Variants in GTF3C1 observed in about 807,000 individuals in gnomAD.
GTF3C1 encodes the protein general transcription factor 3C polypeptide 1.
Under a neutral mutation model 226.7 loss-of-function variants are expected in GTF3C1, and 57 were observed. The ratio of observed to expected loss-of-function variants is 0.25; its 90% CI spans 0.20 to 0.31. The LOEUF (loss-of-function observed/expected upper bound fraction) is 0.31. Ranked by LOEUF, GTF3C1 falls within the 10% of genes least tolerant of loss-of-function variation. The pLI is 1.00. For missense variants in GTF3C1, 2,217 were observed against 2,776.1 expected (o/e 0.80, Z 4.53); for synonymous variants, 1,090 against 1,084.8 (o/e 1.00, Z -0.09).
In GTF3C1 at chr16:27,470,119, C is replaced by A; in HGVS notation, c.4803G>T (p.Glu1601Asp). ...TGCCGGACTCTTACCTTTTGATGAC[C>A]TCATTCTCCACCATTGAGCTGTCTA... ...IVVDSSMVEN[E>D]VIKSLGKDGS... is the part of the protein sequence containing the mutation. The change falls in exon 31 of 37, where the codon GAG (glutamate) becomes GAT (aspartate). Residue 1601 changes from glutamate to aspartate, a missense_variant. Physicochemically the swap from Glu to Asp is conservative, Grantham distance 45 (BLOSUM62 2). Coordinates refer to ENST00000356183, the MANE Select transcript of GTF3C1 (RefSeq NM_001520.4). This position sits in a 1 kb window ranked among gnomAD's most constrained non-coding sequence, Gnocchi z 4.9. The A allele has an allele frequency of 6.2e-7, 1 of 1,613,320 alleles. No homozygotes were observed. The highest frequency in any genetic ancestry group is 1.3e-5 in the African/African-American group (1 of 74,950).
Position 27,488,429 on chromosome 16 carries a change from C to G in GTF3C1, c.3512-14G>C. 6.3e-7 allele frequency: 1 copy of G among 1,598,040 alleles called. No homozygotes were observed. The highest frequency in any genetic ancestry group is 8.6e-7 in the Non-Finnish European group (1 of 1,165,730). ...ACCTGCTGTTGCCTAGACATAATCACAGGAGACAACAGTTTCAGGACGAGT... is the reference window on the plus strand; with the variant it reads ...ACCTGCTGTTGCCTAGACATAATCAGAGGAGACAACAGTTTCAGGACGAGT... On this transcript the variant is annotated splice_polypyrimidine_tract_variant and intron_variant, in intron 22 of 36. Transcript: ENST00000356183.
chr16:27,544,544 G>A (rs548149256), intron 2 of GTF3C1, among the ~76,000 whole-genome samples: 2 of 152,154 alleles, frequency 1.3e-5, no homozygotes, highest in South Asian at 4.2e-4. Flanking sequence ...CCTCCGAGAT[G>A]AGAGTAGACA....
chr16:27,478,653 C>T lies in GTF3C1; in HGVS notation c.4197-122G>A. ...TTGGGAGTGGGAGAAATGTTAAACTCACCAAATGTCGAGTGCTGTGCATGT... is the reference window on the plus strand; with the variant it reads ...TTGGGAGTGGGAGAAATGTTAAACTTACCAAATGTCGAGTGCTGTGCATGT... On this transcript the variant is annotated intron_variant, in intron 27 of 36. Transcript: ENST00000356183. 4 of 771,552 alleles carry T rather than the reference C, an allele frequency of 5.2e-6. No homozygotes were observed. The South Asian group carries it at 5.5e-5, about 11-fold the overall frequency. The allele number at this position is 771,552 out of a possible 1,614,324, so 47.8% of individuals were successfully genotyped here. A position where few individuals can be genotyped will look rare whatever the true frequency, so the allele number is the denominator to read the frequency against.
In GTF3C1 at chr16:27,465,430, G is replaced by C; in HGVS notation, c.5185C>G (p.Leu1729Val). ...TCGGGACTATACCCAGACAGCTCCA[G>C]CTGGAGGACAAACTCCTCCAAGCTG... ...TCSLEEFVLQ[L>V]ELSGYSPEDL... Residue 1729 changes from leucine (L) to valine (V), a missense_variant, in exon 33 of 37, where the codon CTG becomes GTG. Coordinates refer to ENST00000356183, the MANE Select transcript of GTF3C1 (RefSeq NM_001520.4). 1 of 1,613,688 alleles carries C rather than the reference G, an allele frequency of 6.2e-7. No homozygotes were observed. The highest frequency in any genetic ancestry group is 8.5e-7 in the Non-Finnish European group (1 of 1,179,854).
intron 19 of GTF3C1, among the ~76,000 whole-genome samples, chr16:27,490,353 C>T (rs976835541): frequency 6.6e-6 from 1 of 152,192 alleles, no homozygotes; most frequent in African/African-American, 2.4e-5. Flanking sequence ...AAAAGCACTG[C>T]TTGATAGGTG....
In GTF3C1 at chr16:27,461,085, G is replaced by C; in HGVS notation, c.*265C>G. The C allele has an allele frequency of 2.5e-6, 1 of 407,076 alleles. No individual in the cohort carries two copies. The highest frequency in any genetic ancestry group is 5.8e-5 in the South Asian group (1 of 17,350). 25.2% of individuals were successfully genotyped at this position (407,076 alleles called of 1,614,324 possible). On this transcript the variant is annotated 3_prime_UTR_variant, in exon 37 of 37. Coordinates refer to ENST00000356183, the MANE Select transcript of GTF3C1 (RefSeq NM_001520.4). This position sits in a 1 kb window ranked among gnomAD's most constrained non-coding sequence, Gnocchi z 5.3. ...GCAAACTCTGGAGACCCAGAGACAAGAAGCACCAACTCCCAGTGTGATGAG... is the reference window on the plus strand; with the variant it reads ...GCAAACTCTGGAGACCCAGAGACAACAAGCACCAACTCCCAGTGTGATGAG...
chr16:27,485,251 C>T (rs558791090), intron 24 of GTF3C1, among the ~76,000 whole-genome samples: 11 of 152,344 alleles, frequency 7.2e-5, no homozygotes, highest in Admixed American at 4.6e-4. Flanking sequence ...GGCTGAGACC[C>T]GGAGGCACAC....
At chr16:27,505,837 CAG>C in intron 10 of GTF3C1, 60 bp downstream of exon 10, 1 of 946,432 alleles carries the variant, frequency 1.1e-6, no homozygotes, top group Admixed American at 1.8e-5. Context: ...TTCCTAAACA[CAG>C]AAACGATGAG....
At chr16:27,548,220 T>C (rs1426754177) in intron 1 of GTF3C1, among the ~76,000 whole-genome samples, 1 of 152,228 alleles carries the variant, frequency 6.6e-6, no homozygotes, top group African/African-American at 2.4e-5. Flanking sequence ...AACAGTCCTC[T>C]TTGCCAACTG....
At chr16:27,482,891 CAG>C (rs2141366837) in intron 26 of GTF3C1, among the ~76,000 whole-genome samples, 151 bp downstream of exon 26, 1 of 152,320 alleles carries the variant, frequency 6.6e-6, no homozygotes, top group East Asian at 1.9e-4. Flanking sequence ...AGGCCAACAC[CAG>C]AGAGCTGACT....
chr16:27,535,410 T>C (rs903432403), intron 4 of GTF3C1, among the ~76,000 whole-genome samples: 1 of 151,928 alleles, frequency 6.6e-6, no homozygotes, highest in Admixed American at 6.6e-5. Flanking sequence ...CCATCTCTAC[T>C]AAAAATACAA....
At chr16:27,520,118 T>C (rs979378867) in intron 6 of GTF3C1, among the ~76,000 whole-genome samples, 1 of 151,820 alleles carries the variant, frequency 6.6e-6, no homozygotes, top group Admixed American at 6.5e-5. Flanking sequence ...TTGTGTTTGG[T>C]TTGGTTTTGT....
chr16:27,517,213 G>A (rs2088671570), intron 6 of GTF3C1, among the ~76,000 whole-genome samples: 1 of 152,210 alleles, frequency 6.6e-6, no homozygotes, highest in Non-Finnish European at 1.5e-5. Context: ...TCTGGAAGGA[G>A]TTCCACCAGC....
chr16:27,465,756 A>G, intron 32 of GTF3C1: 1 of 577,590 alleles, frequency 1.7e-6, no homozygotes, highest in Non-Finnish European at 3.1e-6. Context: ...ACTGGGACAC[A>G]ACAGCTGACT....
rs190658121 is a variant in GTF3C1 at position 27,506,504 on chromosome 16, T to A, written c.1552+343A>T. Among the ~76,000 whole-genome samples the A allele has an allele frequency of 7.2e-3, 1,099 of 152,226 alleles. 27 individuals are homozygous for A. Among genetic ancestry groups the A allele is most frequent in the Admixed American group, 0.051 (784 of 15,292 alleles). The stretch of plus-strand genomic sequence containing the variant: ...CAAATGTGTCATCAGCACCACTCTC[T>A]ATGCATTTAAAAAAAGTTTTCTATA... On this transcript the variant is annotated intron_variant, in intron 9 of 36. Transcript: ENST00000356183.
chr16:27,531,653 G>C (rs2088918849), intron 5 of GTF3C1, among the ~76,000 whole-genome samples: 1 of 152,194 alleles, frequency 6.6e-6, no homozygotes, highest in South Asian at 2.1e-4. Context: ...ATAAGTGAAA[G>C]GCTGTCCAGT....
chr16:27,515,731 C>G (rs1481601648), intron 6 of GTF3C1, among the ~76,000 whole-genome samples: 1 of 152,234 alleles, frequency 6.6e-6, no homozygotes, highest in East Asian at 1.9e-4. Context: ...GTTTTCCGAT[C>G]TGCAAAATGG....
intron 11 of GTF3C1, among the ~76,000 whole-genome samples, chr16:27,502,455 C>CT (rs969971089): frequency 6.6e-6 from 1 of 152,192 alleles, no homozygotes; most frequent in African/African-American, 2.4e-5. Context: ...CTAGAAGACT[C>CT]TATTTGCGCA....
At position 27,492,305 on chromosome 16, in the gene GTF3C1, C is replaced by CA; in HGVS notation, c.3151+32dup. The CA allele has an allele frequency of 7.4e-7, 1 of 1,356,864 alleles. No individual in the cohort carries two copies. Among genetic ancestry groups the CA allele is most frequent in the Non-Finnish European group, 1.0e-6 (1 of 968,618 alleles). 84.1% of individuals were successfully genotyped at this position (1,356,864 alleles called of 1,614,324 possible). A position where few individuals can be genotyped will look rare whatever the true frequency, so the allele number is the denominator to read the frequency against. ...GTTAGCACACAGAAAGGAGCAAAAG[C>CA]AGCCAGGTTCAGCCGAGACAGCCGA... is the stretch of plus-strand genomic sequence containing the variant. On this transcript the variant is annotated intron_variant, in intron 19 of 36. Coordinates refer to ENST00000356183, the MANE Select transcript of GTF3C1 (RefSeq NM_001520.4). The surrounding 1 kb of genome is among the most constrained non-coding windows in gnomAD (Gnocchi z 5.0).
Sources: allele counts gnomAD v4.1 joint callset (sites outside exome capture counted in the v4.1 genomes callset), GRCh38; gene constraint gnomAD v4.1.1; non-coding constraint Gnocchi (gnomAD v3.1); transcripts MANE v1.5; gene names NCBI Gene and HGNC (gene_info 2026-07-23, HGNC 2026-07-21).